Variants in UHRF1 observed in about 807,000 individuals in gnomAD.
UHRF1 encodes the protein ubiquitin like with PHD and ring finger domains 1.
Under a neutral mutation model 96.5 loss-of-function variants are expected in UHRF1, and 9 were observed. The observed-to-expected ratio is 0.09, with a 90% confidence interval of 0.06 to 0.16. The LOEUF (loss-of-function observed/expected upper bound fraction) is 0.16, where lower values mean the gene tolerates loss of function less well. Ranked by LOEUF, UHRF1 falls within the 10% of genes least tolerant of loss-of-function variation. The probability of loss-of-function intolerance (pLI) is 1.00; values close to 1 mark genes in which losing one functional copy is unlikely to be tolerated. For synonymous variants in UHRF1, 455 were observed against 469.9 expected, an observed-to-expected ratio of 0.97 and a Z score of 0.41; for missense variants, 626 against 1,131.1, an observed-to-expected ratio of 0.55 and a Z score of 6.40.
chr19:4,916,508 C>T (rs993307623), intron 2 of UHRF1, among the ~76,000 whole-genome samples: 1 of 152,096 alleles, frequency 6.6e-6, no homozygotes, highest in African/African-American at 2.4e-5. Flanking sequence ...TTGTGTTGAC[C>T]TCACTGACCC....
intron 5 of UHRF1, among the ~76,000 whole-genome samples, chr19:4,935,222 C>T (rs537267948): frequency 6.6e-6 from 1 of 152,258 alleles, no homozygotes; most frequent in African/African-American, 2.4e-5. Flanking sequence ...CCCACCTCAG[C>T]CCCTCAAAGT....
intron 15 of UHRF1, among the ~76,000 whole-genome samples, chr19:4,955,753 C>T (rs1229023628): frequency 1.3e-5 from 2 of 151,918 alleles, no homozygotes; most frequent in African/African-American, 2.4e-5. Flanking sequence ...AGGCTGGGCT[C>T]CTGGTGGCCC....
chr19:4,915,985 T>C (rs1253007744), intron 2 of UHRF1, among the ~76,000 whole-genome samples: 1 of 152,128 alleles, frequency 6.6e-6, no homozygotes, highest in Non-Finnish European at 1.5e-5. Context: ...AGCCTGTGTC[T>C]GTGTGGATTA....
intron 2 of UHRF1, among the ~76,000 whole-genome samples, chr19:4,913,829 TGGA>T (rs2032383270): frequency 8.7e-5 from 6 of 68,714 alleles, no homozygotes; most frequent in African/African-American, 4.2e-4. Context: ...TTTTTTTTTT[TGGA>T]GACAGTTTCG....
At chr19:4,948,339 CA>C (rs2033628196) in intron 11 of UHRF1, among the ~76,000 whole-genome samples, 1 of 152,058 alleles carries the variant, frequency 6.6e-6, no homozygotes, top group African/African-American at 2.4e-5. Flanking sequence ...GCATAAAAAC[CA>C]TCATAAAGCC....
upstream of UHRF1, among the ~76,000 whole-genome samples, chr19:4,908,413 G>A (rs935466488): frequency 2.6e-5 from 4 of 152,078 alleles, no homozygotes; most frequent in Non-Finnish European, 5.9e-5. Flanking sequence ...AAAGACCAAA[G>A]TCCTCCCCGG....
intron 2 of UHRF1, among the ~76,000 whole-genome samples, chr19:4,915,906 C>T (rs1004061420): frequency 6.6e-6 from 1 of 152,092 alleles, no homozygotes; most frequent in African/African-American, 2.4e-5. Context: ...TGGAGTCTTT[C>T]CAGGTCAGGG....
At chr19:4,955,596 A>T (rs948431448) in intron 15 of UHRF1, among the ~76,000 whole-genome samples, 1 of 151,064 alleles carries the variant, frequency 6.6e-6, no homozygotes. Flanking sequence ...CTCTCTTCCC[A>T]TTTCCTTCAG....
At position 4,954,911 on chromosome 19, in the gene UHRF1, G is replaced by C. The variant is rs1039839762; in HGVS notation, c.2130+89G>C. ...TGTTTCCCATGTTCCCCATTTTCAAGTGTACAGCTCAGTCGCACTGAGTAC... is the reference window on the plus strand; with the variant it reads ...TGTTTCCCATGTTCCCCATTTTCAACTGTACAGCTCAGTCGCACTGAGTAC... On this transcript the variant is annotated intron_variant, in intron 15 of 16. Coordinates refer to ENST00000650932, the MANE Select transcript of UHRF1 (RefSeq NM_001048201.3). The surrounding 1 kb of genome is among the most constrained non-coding windows in gnomAD (Gnocchi z 5.9). 13 of 1,521,228 alleles carry C rather than the reference G, an allele frequency of 8.5e-6. No individual in the cohort carries two copies. The highest frequency in any genetic ancestry group is 1.2e-5 in the Non-Finnish European group (13 of 1,112,782). 94.2% of individuals were successfully genotyped at this position (1,521,228 alleles called of 1,614,324 possible). A position where few individuals can be genotyped will look rare whatever the true frequency, so the allele number is the denominator to read the frequency against.
At position 4,932,805 on chromosome 19, in the gene UHRF1, A is replaced by G. The variant is rs375194423; in HGVS notation, c.634A>G (p.Ile212Val). 6.2e-7 allele frequency: 1 copy of G among 1,613,926 alleles called. No homozygotes were observed. Among genetic ancestry groups the G allele is most frequent in the Non-Finnish European group, 8.5e-7 (1 of 1,179,886 alleles). Residue 212 changes from isoleucine to valine, a missense_variant, in exon 5 of 17, where the codon ATC (isoleucine) becomes GTC (valine). Ile to Val is a conservative substitution (Grantham distance 29). Transcript: ENST00000650932. ...CGTCCGAGCGCGCGCCCGCACCATC[A>G]TCAAGTGGCAGGACCTGGAGGTGGG... ...RDVRARARTI[I>V]KWQDLEVGQV... is the part of the protein sequence containing the mutation.
chr19:4,930,671 T>C lies in UHRF1; in HGVS notation c.409-45T>C. On this transcript the variant is annotated intron_variant, in intron 3 of 16. Coordinates refer to ENST00000650932, the MANE Select transcript of UHRF1 (RefSeq NM_001048201.3). This position sits in a 1 kb window ranked among gnomAD's most constrained non-coding sequence, Gnocchi z 4.4. ...AGAACCAAGGTGGTCTCCCGTCAGT[T>C]TTCCTCACCCCGTTGGGATGCCAGA... 2 of 1,596,088 alleles carry C rather than the reference T, an allele frequency of 1.3e-6. No homozygotes were observed. The highest frequency in any genetic ancestry group is 1.7e-6 in the Non-Finnish European group (2 of 1,169,380).
chr19:4,911,478 C>T (rs544320185), intron 2 of UHRF1, among the ~76,000 whole-genome samples: 92 of 152,216 alleles, frequency 6.0e-4, no homozygotes, highest in Non-Finnish European at 1.3e-3. Flanking sequence ...AAGCATCAGA[C>T]CCTGCGAGTG....
intron 15 of UHRF1, among the ~76,000 whole-genome samples, chr19:4,956,275 G>A (rs1398438159): frequency 2.0e-5 from 3 of 152,128 alleles, no homozygotes; most frequent in Admixed American, 6.5e-5. Flanking sequence ...CTGTATTGCC[G>A]GGCTGGTCTT....
At chr19:4,925,064 T>TGATCC (rs1013821735) in intron 2 of UHRF1, among the ~76,000 whole-genome samples, 2 of 152,222 alleles carry the variant, frequency 1.3e-5, no homozygotes, top group African/African-American at 4.8e-5. Flanking sequence ...TGACTTCAAG[T>TGATCC]GATCCACCTG....
intron 11 of UHRF1, among the ~76,000 whole-genome samples, chr19:4,948,120 A>AC (rs34257048): frequency 6.7e-6 from 1 of 148,494 alleles, no homozygotes; most frequent in Non-Finnish European, 1.5e-5. Flanking sequence ...AAAAAAAAAA[A>AC]CCCCTCCAAA....
chr19:4,924,523 A>G (rs549378648), intron 2 of UHRF1, among the ~76,000 whole-genome samples: 49 of 152,214 alleles, frequency 3.2e-4, no homozygotes, highest in African/African-American at 1.1e-3. Flanking sequence ...GCCTCAAGTG[A>G]TCTGCCCACC....
intron 3 of UHRF1, among the ~76,000 whole-genome samples, chr19:4,929,941 T>A (rs1281403116): frequency 6.6e-6 from 1 of 151,958 alleles, no homozygotes; most frequent in African/African-American, 2.4e-5. Context: ...GCTGATGTTA[T>A]AGGCATGTGC....
chr19:4,956,216 C>A (rs2033852720), intron 15 of UHRF1, among the ~76,000 whole-genome samples: 1 of 152,220 alleles, frequency 6.6e-6, no homozygotes, highest in African/African-American at 2.4e-5. Context: ...CAGGCGTGAG[C>A]CACCATGCCC....
chr19:4,922,998 G>A (rs1001905292), intron 2 of UHRF1, among the ~76,000 whole-genome samples: 2 of 152,228 alleles, frequency 1.3e-5, no homozygotes, highest in African/African-American at 4.8e-5. Flanking sequence ...TAACAGATGA[G>A]AGGGGATGGG....
Sources: gnomAD v4.1 joint callset for allele counts (sites outside exome capture counted in the v4.1 genomes callset) on GRCh38, gnomAD v4.1.1 for gene constraint, Gnocchi (gnomAD v3.1) non-coding constraint, MANE v1.5 for transcripts, NCBI Gene and HGNC (gene_info 2026-07-23, HGNC 2026-07-21) for gene names.